The following LRRK1 variants were observed in gnomAD, a reference collection of about 807,000 sequenced individuals.
LRRK1 encodes the protein leucine rich repeat kinase 1, also known as leucine-rich repeat serine/threonine-protein kinase 1.
Under a neutral mutation model 209.1 loss-of-function variants are expected in LRRK1, and 113 were observed. The ratio of observed to expected loss-of-function variants is 0.54; its 90% CI spans 0.46 to 0.63. The LOEUF is 0.63. Among genes scored for constraint, LRRK1 ranks in the 30% least tolerant of loss-of-function variants. LRRK1 has a pLI of 0.00. For missense variants in LRRK1, 2,284 were observed against 2,632.2 expected (o/e 0.87, Z 2.89); for synonymous variants, 1,144 against 1,099.7 (o/e 1.04, Z -0.80).
intron 20 of LRRK1, among the ~76,000 whole-genome samples, 194 bp downstream of exon 20, chr15:101,029,426 C>T (rs561918511): frequency 3.3e-4 from 49 of 149,106 alleles, no homozygotes; most frequent in Middle Eastern, 6.8e-3. Context: ...CGGCTGGCCG[C>T]TCCCTCCTGT....
chr15:100,956,320 A>G (rs2042754920), intron 2 of LRRK1, among the ~76,000 whole-genome samples: 1 of 151,682 alleles, frequency 6.6e-6, no homozygotes, highest in Admixed American at 6.6e-5. Context: ...CTTCTATTAT[A>G]CCAATTGTAA....
intron 21 of LRRK1, among the ~76,000 whole-genome samples, chr15:101,047,785 T>C (rs1265138652): frequency 1.3e-5 from 2 of 152,216 alleles, no homozygotes; most frequent in African/African-American, 2.4e-5. Context: ...TCCAGAGCTT[T>C]AAAACGATCA....
chr15:101,025,448 T>C (rs2033983536), intron 16 of LRRK1, among the ~76,000 whole-genome samples: 2 of 152,182 alleles, frequency 1.3e-5, no homozygotes, highest in South Asian at 4.1e-4. Flanking sequence ...TTTGCATTAC[T>C]AGAAAGGAAT....
At chr15:101,048,387 T>C (rs2141125980) in intron 21 of LRRK1, 107 bp from the exon 22 acceptor site, 2 of 946,534 alleles carry the variant, frequency 2.1e-6, no homozygotes, top group South Asian at 3.4e-5. Context: ...GTGGGAAAGA[T>C]GGGGGACATT....
intron 2 of LRRK1, among the ~76,000 whole-genome samples, chr15:100,941,278 CCGTGTGTGTG>C (rs2042400602): frequency 9.0e-5 from 2 of 22,168 alleles, no homozygotes; most frequent in African/African-American, 5.8e-4. Flanking sequence ...CTGTGTGTGT[CCGTGTGTGTG>C]TCTGTGTGTG....
intron 2 of LRRK1, among the ~76,000 whole-genome samples, chr15:100,963,599 G>A (rs1030506853): frequency 1.3e-5 from 2 of 152,214 alleles, no homozygotes; most frequent in Non-Finnish European, 2.9e-5. Context: ...CTCTTACCTC[G>A]GCTGTGGCAG....
rs759259524 is a variant in LRRK1, at chr15:101,024,985, C to A, written c.2232+18C>A. ...ACATCGAGGTGAGGACACCAGACGC[C>A]AGCCCTGCCATTTCAGTGCCCAGAG... On this transcript the variant is annotated intron_variant, in intron 16 of 33. Transcript: ENST00000388948. The surrounding 1 kb of genome is among the most constrained non-coding windows in gnomAD (Gnocchi z 4.6). The A allele has an allele frequency of 1.2e-6, 2 of 1,607,116 alleles. No individual in the cohort carries two copies. Among genetic ancestry groups the A allele is most frequent in the South Asian group, 2.2e-5 (2 of 90,826 alleles).
At chr15:100,936,463 T>TAGGCTTTATTA (rs1385043446) in intron 2 of LRRK1, among the ~76,000 whole-genome samples, 5 of 152,244 alleles carry the variant, frequency 3.3e-5, no homozygotes, top group Admixed American at 1.3e-4. Context: ...GATTAGGGAA[T>TAGGCTTTATTA]AGGCTTTATT....
rs2141102899 is a variant in LRRK1, at chr15:101,027,517, T to C, written c.2527-121T>C. On this transcript the variant is annotated intron_variant, in intron 18 of 33. Coordinates refer to ENST00000388948, the MANE Select transcript of LRRK1 (RefSeq NM_024652.6). The surrounding 1 kb of genome is among the most constrained non-coding windows in gnomAD (Gnocchi z 5.1). ...GGTTCCTGGTGAGGGAGGGTCAGGATGGAAGATAGTGGGTGGAAACGTCCC... is the reference window on the plus strand; with the variant it reads ...GGTTCCTGGTGAGGGAGGGTCAGGACGGAAGATAGTGGGTGGAAACGTCCC... The C allele has an allele frequency of 1.3e-6, 2 of 1,495,950 alleles. No individual in the cohort carries two copies. The highest frequency in any genetic ancestry group is 4.8e-5 in the East Asian group (2 of 41,836). The allele number at this position is 1,495,950 out of a possible 1,614,324, so 92.7% of individuals were successfully genotyped here.
chr15:101,039,518 T>C (rs1365576376), intron 20 of LRRK1, among the ~76,000 whole-genome samples: 1 of 152,250 alleles, frequency 6.6e-6, no homozygotes, highest in African/African-American at 2.4e-5. Flanking sequence ...CTAAGTATGC[T>C]TCTTTTTTGA....
chr15:101,053,749 A>C (rs1435821304), intron 26 of LRRK1, among the ~76,000 whole-genome samples: 1 of 152,168 alleles, frequency 6.6e-6, no homozygotes, highest in Non-Finnish European at 1.5e-5. Flanking sequence ...CGGGAGCTGC[A>C]TTGAATCACT....
rs760940198 is a variant in LRRK1 at position 101,055,002 on chromosome 15, G to A, written c.4111G>A (p.Ala1371Thr). 7.4e-6 allele frequency: 12 copies of A among 1,613,728 alleles called. No individual in the cohort carries two copies. The highest frequency in any genetic ancestry group is 1.7e-4 in the Middle Eastern group (1 of 6,060). Residue 1371 changes from alanine to threonine, a missense_variant, in exon 27 of 34, where the codon GCC becomes ACC. Ala to Thr is a moderately conservative substitution (Grantham distance 58, BLOSUM62 0). Transcript: ENST00000388948. ...MLTQKIAYQI[A>T]SGLAYLHKKN... is the part of the protein sequence containing the mutation. ...CACCCAAAAAATAGCCTACCAGATC[G>A]CCTCGGGCCTGGCCTACCTGCACAA... is the stretch of plus-strand genomic sequence containing the variant.
chr15:100,984,746 G>A (rs1321114750), intron 4 of LRRK1, among the ~76,000 whole-genome samples: 2 of 151,800 alleles, frequency 1.3e-5, no homozygotes, highest in Non-Finnish European at 2.9e-5. Context: ...TTTTTCTCTG[G>A]TGAACTCAAG....
chr15:101,065,972 C>A lies in LRRK1; in HGVS notation c.5535C>A (p.Ser1845=), dbSNP rs758791639. ...LTDYCSMSSY[S]SSPPRQAARS... is the part of the protein sequence containing the mutation. Reference sequence around the variant, plus strand: ...ACTACTGCTCCATGTCCTCCTACTCCTCATCCCCACCCCGCCAGGCTGCCA... The same window carrying A: ...ACTACTGCTCCATGTCCTCCTACTCATCATCCCCACCCCGCCAGGCTGCCA... Residue 1845 remains serine (S), a synonymous_variant, in exon 32 of 34, where the codon TCC becomes TCA. Coordinates refer to ENST00000388948, the MANE Select transcript of LRRK1 (RefSeq NM_024652.6). The A allele has an allele frequency of 6.2e-7, 1 of 1,614,172 alleles. No homozygotes were observed. The highest frequency in any genetic ancestry group is 1.1e-5 in the South Asian group (1 of 91,086).
intron 26 of LRRK1, among the ~76,000 whole-genome samples, chr15:101,054,195 G>A (rs1203506905): frequency 2.0e-5 from 3 of 152,092 alleles, no homozygotes; most frequent in East Asian, 1.9e-4. Flanking sequence ...GGTCGTTCTC[G>A]AACTGTGAGC....
In LRRK1 at chr15:101,072,697, TC is replaced by T. The variant is rs1324427390; in HGVS notation, c.*3851del. Reference sequence around the variant, plus strand: ...TTATGAAATTCCTTCTCCTGGCTCATCCTGGCTCAAAAAGCTCCCCCACTGA... The same window carrying T: ...TTATGAAATTCCTTCTCCTGGCTCATCTGGCTCAAAAAGCTCCCCCACTGA... On this transcript the variant is annotated 3_prime_UTR_variant, in exon 34 of 34. Transcript: ENST00000388948. 6.6e-6 allele frequency: 1 copy of T among 151,182 alleles called. No individual in the cohort carries two copies. The highest frequency in any genetic ancestry group is 1.9e-4 in the East Asian group (1 of 5,194). The allele number at this position is 151,182 out of a possible 1,614,324, so 9.4% of individuals were successfully genotyped here. A position where few individuals can be genotyped will look rare whatever the true frequency, so the allele number is the denominator to read the frequency against.
chr15:100,978,328 A>G (rs1445220238), intron 3 of LRRK1, among the ~76,000 whole-genome samples: 1 of 152,220 alleles, frequency 6.6e-6, no homozygotes, highest in Non-Finnish European at 1.5e-5. Flanking sequence ...CTGAAGGAGA[A>G]CTCAAAGAAA....
At chr15:101,066,426 T>C (rs547706452) in intron 32 of LRRK1, among the ~76,000 whole-genome samples, 2 of 152,332 alleles carry the variant, frequency 1.3e-5, no homozygotes, top group Admixed American at 1.3e-4. Context: ...GAGCTTAAGG[T>C]GCCACACAAG....
chr15:100,954,519 T>G (rs1450787764), intron 2 of LRRK1, among the ~76,000 whole-genome samples: 1 of 152,216 alleles, frequency 6.6e-6, no homozygotes, highest in Non-Finnish European at 1.5e-5. Context: ...ATTTGTTTAT[T>G]TGTGCTTTGG....
Sources: gnomAD v4.1 joint callset for allele counts (sites outside exome capture counted in the v4.1 genomes callset) on GRCh38, gnomAD v4.1.1 for gene constraint, Gnocchi (gnomAD v3.1) non-coding constraint, MANE v1.5 for transcripts, NCBI Gene and HGNC (gene_info 2026-07-23, HGNC 2026-07-21) for gene names.